The following SLC46A3 variants were observed in gnomAD, a reference collection of about 807,000 sequenced individuals.
SLC46A3 encodes solute carrier family 46 member 3.
Under a neutral mutation model 38.5 loss-of-function variants are expected in SLC46A3, and 26 were observed. That is an observed-to-expected ratio of 0.68 (90% confidence interval 0.49 to 0.94). The LOEUF (loss-of-function observed/expected upper bound fraction) is 0.94, where lower values mean the gene tolerates loss of function less well. Ranked by LOEUF, SLC46A3 falls within the 40% of genes least tolerant of loss-of-function variation. The pLI, the probability that SLC46A3 is intolerant of heterozygous loss-of-function variation, is 0.00. For missense variants in SLC46A3, 510 were observed against 544.3 expected (o/e 0.94, Z 0.63); for synonymous variants, 185 against 192.5 (o/e 0.96, Z 0.32).
At chr13:28,707,689 T>C (rs1885217920) in intron 4 of SLC46A3, among the ~76,000 whole-genome samples, 1 of 152,214 alleles carries the variant, frequency 6.6e-6, no homozygotes, top group Non-Finnish European at 1.5e-5. Flanking sequence ...TATTGGGATA[T>C]AATTAACATC....
rs1885005184 is a variant in SLC46A3, at chr13:28,701,208, T to A, written c.*289A>T. 1 of 1,398,590 alleles carries A rather than the reference T, an allele frequency of 7.2e-7. No individual in the cohort carries two copies. The highest frequency in any genetic ancestry group is 9.3e-7 in the Non-Finnish European group (1 of 1,078,630). 86.6% of individuals were successfully genotyped at this position (1,398,590 alleles called of 1,614,324 possible). A position where few individuals can be genotyped will look rare whatever the true frequency, so the allele number is the denominator to read the frequency against. ...CTTATCAAGTTTCTTGATCCCTCCT[T>A]ACACCCTTAAGTTTTAATGTTTCTC... On this transcript the variant is annotated 3_prime_UTR_variant, in exon 6 of 6. Transcript: ENST00000266943.
chr13:28,703,882 G>A (rs1425950011), intron 5 of SLC46A3, 61 bp downstream of exon 5: 2 of 1,480,118 alleles, frequency 1.4e-6, no homozygotes, highest in Non-Finnish European at 1.9e-6. Flanking sequence ...TTACTGGTGA[G>A]GTTAGGGAAT....
chr13:28,709,059 C>T lies in SLC46A3; in HGVS notation c.1144+1701G>A, dbSNP rs1216527509. ...ATAAGAGGCCGGGTGCGGTGGGTCA[C>T]GCCTATAATCCCAGCACTTTGGGAG... On this transcript the variant is annotated intron_variant, in intron 4 of 5. Transcript: ENST00000266943. Among the ~76,000 whole-genome samples the T allele has an allele frequency of 4.6e-5, 7 of 152,168 alleles. No homozygotes were observed. In the South Asian group the frequency reaches 1.5e-3, roughly 32 times the overall value.
rs1885002714 is a variant in SLC46A3, at chr13:28,701,075, T to C, written c.*422A>G. 1 of 1,479,118 alleles carries C rather than the reference T, an allele frequency of 6.8e-7. No individual in the cohort carries two copies. Among genetic ancestry groups the C allele is most frequent in the Non-Finnish European group, 9.0e-7 (1 of 1,113,466 alleles). The allele number at this position is 1,479,118 out of a possible 1,614,324, so 91.6% of individuals were successfully genotyped here. Reference sequence around the variant, plus strand: ...TTCATTATGCCTTCAAAATTATCCCTGAGAGAGGCCAGAAACCCATTCTGC... The same window carrying C: ...TTCATTATGCCTTCAAAATTATCCCCGAGAGAGGCCAGAAACCCATTCTGC... On this transcript the variant is annotated 3_prime_UTR_variant, in exon 6 of 6. Transcript: ENST00000266943.
At chr13:28,705,020 G>A (rs182510874) in intron 4 of SLC46A3, among the ~76,000 whole-genome samples, 2 of 152,332 alleles carry the variant, frequency 1.3e-5, no homozygotes, top group Admixed American at 1.3e-4. Flanking sequence ...GTCAACTGAA[G>A]AGTTAAACTT....
chr13:28,714,185 T>G (rs1298947491), intron 2 of SLC46A3, among the ~76,000 whole-genome samples: 1 of 147,738 alleles, frequency 6.8e-6, no homozygotes, highest in Non-Finnish European at 1.5e-5. Flanking sequence ...AGCTTGGCTG[T>G]TGCCCTTATT....
chr13:28,708,807 A>G (rs1367168384), intron 4 of SLC46A3, among the ~76,000 whole-genome samples: 2 of 151,844 alleles, frequency 1.3e-5, no homozygotes, highest in African/African-American at 4.8e-5. Flanking sequence ...TTTTCAAAGG[A>G]CAAACTTTGA....
chr13:28,702,274 G>A (rs945718991), intron 5 of SLC46A3, among the ~76,000 whole-genome samples: 4 of 151,946 alleles, frequency 2.6e-5, no homozygotes, highest in East Asian at 1.9e-4. Context: ...TGTGAGCCAC[G>A]GTGCCTGCTA....
chr13:28,713,647 A>T, intron 2 of SLC46A3, 97 bp from the exon 3 acceptor site: 1 of 1,206,862 alleles, frequency 8.3e-7, no homozygotes, highest in Non-Finnish European at 1.2e-6. Flanking sequence ...TGTGGCCAGT[A>T]GGTTATGGGT....
rs537694004 is a variant in SLC46A3, at chr13:28,701,570, C to A, written c.1313G>T (p.Cys438Phe). 6.2e-7 allele frequency: 1 copy of A among 1,612,770 alleles called. No homozygotes were observed. The highest frequency in any genetic ancestry group is 1.3e-5 in the African/African-American group (1 of 74,950). The change falls in exon 6 of 6, where the codon TGT (cysteine) becomes TTT (phenylalanine). Residue 438 changes from cysteine to phenylalanine, a missense_variant. Cys to Phe is a radical substitution (Grantham distance 205, BLOSUM62 -2). Coordinates refer to ENST00000266943, the MANE Select transcript of SLC46A3 (RefSeq NM_181785.4). Reference sequence around the variant, plus strand: ...ATAGCTTCCCTCATTCCAGCTGGTACACTTGACAACACTATAAAAGGAAAC... The same window carrying A: ...ATAGCTTCCCTCATTCCAGCTGGTAAACTTGACAACACTATAAAAGGAAAC... The part of the protein sequence containing the change: ...LPAISLCVVK[C>F]TSWNEGSYEL...
At chr13:28,717,700 G>C in intron 2 of SLC46A3, 110 bp downstream of exon 2, 3 of 1,105,114 alleles carry the variant, frequency 2.7e-6, no homozygotes, top group Non-Finnish European at 3.9e-6. Context: ...TTAGGACTTT[G>C]ATGGCCGCCC....
intron 3 of SLC46A3, among the ~76,000 whole-genome samples, chr13:28,712,098 C>T (rs762625342): frequency 6.6e-5 from 10 of 152,142 alleles, no homozygotes; most frequent in South Asian, 6.2e-4. Flanking sequence ...TTTTATAGTT[C>T]CACAGCCTTT....
At chr13:28,704,179 C>T in intron 4 of SLC46A3, 80 bp from the exon 5 acceptor site, 1 of 1,308,614 alleles carries the variant, frequency 7.6e-7, no homozygotes, top group Admixed American at 2.2e-5. Flanking sequence ...ATGGAGACAA[C>T]TGTTACTCAT....
At chr13:28,707,357 A>G (rs528629259) in intron 4 of SLC46A3, among the ~76,000 whole-genome samples, 18 of 139,286 alleles carry the variant, frequency 1.3e-4, no homozygotes, top group African/African-American at 4.7e-4. Context: ...CAATGAGAAC[A>G]CTTGGACACA....
intron 4 of SLC46A3, 108 bp downstream of exon 4, chr13:28,710,652 G>T: frequency 1.2e-6 from 1 of 842,306 alleles, no homozygotes; most frequent in Non-Finnish European, 1.9e-6. Flanking sequence ...AAGGAGATCC[G>T]TGCATAAAAA....
chr13:28,716,108 A>T (rs560014826), intron 2 of SLC46A3, among the ~76,000 whole-genome samples: 2 of 152,148 alleles, frequency 1.3e-5, no homozygotes, highest in East Asian at 3.9e-4. Flanking sequence ...AGCTATTACC[A>T]CGCCACTCCA....
Position 28,701,430 on chromosome 13 carries a change from T to C in SLC46A3, c.*67A>G, listed in dbSNP as rs1044761490. On this transcript the variant is annotated 3_prime_UTR_variant, in exon 6 of 6. Coordinates refer to ENST00000266943, the MANE Select transcript of SLC46A3 (RefSeq NM_181785.4). ...AAGCACTGATTGTGGAATTCATTTATAGTCTTCAGAAGTCATGGTATATGA... is the reference window on the plus strand; with the variant it reads ...AAGCACTGATTGTGGAATTCATTTACAGTCTTCAGAAGTCATGGTATATGA... 1.3e-6 allele frequency: 2 copies of C among 1,577,188 alleles called. No homozygotes were observed. The highest frequency in any genetic ancestry group is 1.7e-6 in the Non-Finnish European group (2 of 1,166,230).
chr13:28,705,313 G>T (rs1885143802), intron 4 of SLC46A3, among the ~76,000 whole-genome samples: 1 of 152,190 alleles, frequency 6.6e-6, no homozygotes. Flanking sequence ...TGATAGGAAG[G>T]AAATGGCCAA....
chr13:28,715,158 TA>T (rs1885492336), intron 2 of SLC46A3, among the ~76,000 whole-genome samples: 1 of 151,884 alleles, frequency 6.6e-6, no homozygotes, highest in African/African-American at 2.4e-5. Flanking sequence ...CAGGTGAGGG[TA>T]GGGGTGGTTT....
Sources: allele counts gnomAD v4.1 joint callset (sites outside exome capture counted in the v4.1 genomes callset), GRCh38; gene constraint gnomAD v4.1.1; transcripts MANE v1.5; gene names NCBI Gene and HGNC (gene_info 2026-07-23, HGNC 2026-07-21).